CNTN5: variants seen among roughly 807,000 people sequenced by gnomAD.
The protein encoded by CNTN5 is contactin-5.
Under a neutral mutation model 129.1 loss-of-function variants are expected in CNTN5, and 77 were observed. The ratio of observed to expected loss-of-function variants is 0.60; its 90% CI spans 0.50 to 0.72. CNTN5 has a LOEUF of 0.72. Ranked by LOEUF, CNTN5 falls within the 30% of genes least tolerant of loss-of-function variation. The pLI, the probability that CNTN5 is intolerant of heterozygous loss-of-function variation, is 0.00. For synonymous variants in CNTN5, 509 were observed against 465.6 expected (o/e 1.09, Z -1.20); for missense variants, 1,478 against 1,328.8 (o/e 1.11, Z -1.75).
At chr11:99,113,902 A>C (rs567412465) in intron 1 of CNTN5, among the ~76,000 whole-genome samples, 148 of 152,306 alleles carry the variant, frequency 9.7e-4, no homozygotes, top group African/African-American at 3.5e-3. Context: ...CTCACCTAAG[A>C]ATACTAAGTT....
At chr11:100,184,281 T>C (rs1011423205) in intron 13 of CNTN5, among the ~76,000 whole-genome samples, 27 of 152,162 alleles carry the variant, frequency 1.8e-4, no homozygotes, top group African/African-American at 5.3e-4. Flanking sequence ...AGTTTTACAT[T>C]TAGGAAGGAG....
At chr11:100,108,180 G>GAGAT (rs1945519614) in intron 13 of CNTN5, among the ~76,000 whole-genome samples, 3 of 151,914 alleles carry the variant, frequency 2.0e-5, no homozygotes, top group African/African-American at 7.3e-5. Context: ...AGAGAGTAGG[G>GAGAT]AGATAAAATA....
At chr11:99,653,460 T>C (rs1952233968) in intron 3 of CNTN5, among the ~76,000 whole-genome samples, 1 of 152,028 alleles carries the variant, frequency 6.6e-6, no homozygotes, top group African/African-American at 2.4e-5. Flanking sequence ...GATTTCAACC[T>C]TAAATCAGTA....
intron 3 of CNTN5, among the ~76,000 whole-genome samples, chr11:99,561,714 C>G (rs1219186815): frequency 1.7e-3 from 1 of 582 alleles, no homozygotes; most frequent in Non-Finnish European, 0.014. Context: ...CTCCCCAAAA[C>G]CTATAACCCC....
intron 19 of CNTN5, among the ~76,000 whole-genome samples, chr11:100,298,166 TAG>T (rs1456696113): frequency 6.6e-6 from 1 of 151,392 alleles, no homozygotes; most frequent in Non-Finnish European, 1.5e-5. Context: ...TTAGAATATA[TAG>T]AAATGGAAAT....
intron 1 of CNTN5, among the ~76,000 whole-genome samples, chr11:99,250,441 T>C (rs1011619925): frequency 6.6e-6 from 1 of 152,116 alleles, no homozygotes; most frequent in African/African-American, 2.4e-5. Context: ...GTTAATTCAC[T>C]GATAAATTTA....
At chr11:99,949,781 T>C (rs1015792504) in intron 7 of CNTN5, among the ~76,000 whole-genome samples, 3 of 152,174 alleles carry the variant, frequency 2.0e-5, no homozygotes, top group East Asian at 1.9e-4. Flanking sequence ...TGTCACCCAG[T>C]TGGTATAATC....
intron 8 of CNTN5, among the ~76,000 whole-genome samples, chr11:99,990,449 T>TACACACACACACAC (rs1241963020): frequency 9.2e-5 from 7 of 75,702 alleles, no homozygotes; most frequent in African/African-American, 2.6e-4. Context: ...TTAGAATATA[T>TACACACACACACAC]ATATATACAC....
chr11:99,432,705 A>T (rs1943438274), intron 2 of CNTN5, among the ~76,000 whole-genome samples: 1 of 151,934 alleles, frequency 6.6e-6, no homozygotes, highest in Non-Finnish European at 1.5e-5. Flanking sequence ...TATTAGAATG[A>T]GTGAGCCAGA....
intron 23 of CNTN5, among the ~76,000 whole-genome samples, chr11:100,343,304 T>C (rs1241231716): frequency 6.6e-6 from 1 of 152,194 alleles, no homozygotes; most frequent in African/African-American, 2.4e-5. Flanking sequence ...TTGCACTTCC[T>C]TATATCCCTG....
At chr11:99,928,618 G>T (rs1236592168) in intron 7 of CNTN5, among the ~76,000 whole-genome samples, 3 of 152,304 alleles carry the variant, frequency 2.0e-5, no homozygotes, top group Admixed American at 2.0e-4. Flanking sequence ...CAGCTGGGAT[G>T]CAGGGCACCA....
chr11:100,057,186 T>C (rs2137781157), intron 9 of CNTN5, among the ~76,000 whole-genome samples: 1 of 148,452 alleles, frequency 6.7e-6, no homozygotes, highest in Non-Finnish European at 1.5e-5. Context: ...TAATAGGAAT[T>C]ATATATAAAG....
chr11:100,038,601 C>G (rs1461851773), intron 9 of CNTN5, among the ~76,000 whole-genome samples: 1 of 152,070 alleles, frequency 6.6e-6, no homozygotes, highest in Non-Finnish European at 1.5e-5. Flanking sequence ...GTGTGGGAGT[C>G]TAAGTCTCTT....
At chr11:99,173,457 T>G (rs1243462311) in intron 1 of CNTN5, among the ~76,000 whole-genome samples, 1 of 152,212 alleles carries the variant, frequency 6.6e-6, no homozygotes, top group African/African-American at 2.4e-5. Flanking sequence ...TCCACAATAT[T>G]TCTTACTAGA....
chr11:99,080,942 G>T (rs1865764338), intron 1 of CNTN5, among the ~76,000 whole-genome samples: 1 of 147,698 alleles, frequency 6.8e-6, no homozygotes, highest in African/African-American at 2.5e-5. Context: ...TTCTTTTTAA[G>T]AGTTGCTGCA....
intron 3 of CNTN5, among the ~76,000 whole-genome samples, chr11:99,793,872 A>G (rs539387920): frequency 1.2e-3 from 186 of 152,306 alleles, no homozygotes; most frequent in African/African-American, 4.4e-3. Flanking sequence ...TGTGCACATG[A>G]GAAGAATACA....
At chr11:99,514,970 A>G (rs1946990845) in intron 2 of CNTN5, among the ~76,000 whole-genome samples, 1 of 152,034 alleles carries the variant, frequency 6.6e-6, no homozygotes, top group Admixed American at 6.6e-5. Context: ...CTTTCATCTC[A>G]TAGCTTTTTA....
rs534671121 is a variant in CNTN5 at position 99,680,530 on chromosome 11, A to G, written c.55+124261A>G. Reference sequence around the variant, plus strand: ...TATTTTAAGCCCACTGTCGAGATTTAATGCTCAGAAAAAAAGACTCATTTC... The same window carrying G: ...TATTTTAAGCCCACTGTCGAGATTTGATGCTCAGAAAAAAAGACTCATTTC... On this transcript the variant is annotated intron_variant, in intron 3 of 24. Transcript: ENST00000524871. Among the ~76,000 whole-genome samples the G allele has an allele frequency of 1.3e-4, 20 of 152,052 alleles. No homozygotes were observed. In the South Asian group the frequency reaches 4.1e-3, roughly 31 times the overall value.
chr11:99,832,294 C>G (rs752980461), intron 4 of CNTN5, among the ~76,000 whole-genome samples: 24 of 152,060 alleles, frequency 1.6e-4, no homozygotes, highest in Non-Finnish European at 7.4e-5. Context: ...TGGCAAATCC[C>G]AACGAGGCAA....
Sources: gnomAD v4.1 joint callset for allele counts (sites outside exome capture counted in the v4.1 genomes callset) on GRCh38, gnomAD v4.1.1 for gene constraint, MANE v1.5 for transcripts, NCBI Gene and HGNC (gene_info 2026-07-23, HGNC 2026-07-21) for gene names.